Variants in PTPN13 observed in about 807,000 individuals in gnomAD.
PTPN13 encodes tyrosine-protein phosphatase non-receptor type 13.
Under a neutral mutation model 284.0 loss-of-function variants are expected in PTPN13, and 191 were observed. The ratio of observed to expected loss-of-function variants is 0.67; its 90% CI spans 0.60 to 0.76. The LOEUF is 0.76. PTPN13 is among the 30% of genes least tolerant of loss of function. The pLI is 0.00. For missense variants in PTPN13, 2,797 were observed against 2,939.9 expected (o/e 0.95, Z 1.12); for synonymous variants, 986 against 1,022.3 (o/e 0.96, Z 0.68).
At chr4:86,745,244 A>C (rs1258581143) in intron 17 of PTPN13, 116 bp downstream of exon 17, 2 of 963,728 alleles carry the variant, frequency 2.1e-6, no homozygotes, top group African/African-American at 1.7e-5. Context: ...ATACATGTTA[A>C]ATAGCTAAAT....
At chr4:86,640,769 T>C (rs1723696765) in intron 2 of PTPN13, among the ~76,000 whole-genome samples, 1 of 152,188 alleles carries the variant, frequency 6.6e-6, no homozygotes, top group Non-Finnish European at 1.5e-5. Flanking sequence ...ATAAAGGTGT[T>C]GTCACTGAGA....
chr4:86,763,231 A>G lies in PTPN13; in HGVS notation c.4017+41A>G, dbSNP rs1402804659. The G allele has an allele frequency of 2.0e-6, 3 of 1,501,286 alleles. No homozygotes were observed. The African/African-American group carries it at 4.2e-5, about 21-fold the overall frequency. The allele number at this position is 1,501,286 out of a possible 1,614,324, so 93.0% of individuals were successfully genotyped here. A position where few individuals can be genotyped will look rare whatever the true frequency, so the allele number is the denominator to read the frequency against. On this transcript the variant is annotated intron_variant, in intron 24 of 47. Transcript: ENST00000411767. Reference sequence around the variant, plus strand: ...AATATTTTGGTTTTCTCATTTAACAAAGCAAAATAGCAGCAAATAAGTTAC... The same window carrying G: ...AATATTTTGGTTTTCTCATTTAACAGAGCAAAATAGCAGCAAATAAGTTAC...
chr4:86,785,209 A>G, intron 38 of PTPN13, 22 bp from the exon 39 acceptor site: 1 of 1,468,874 alleles, frequency 6.8e-7, no homozygotes, highest in South Asian at 1.3e-5. Context: ...GTAAAACCCC[A>G]TGTAAATTAT....
chr4:86,769,371 C>T (rs1486367292), intron 28 of PTPN13, among the ~76,000 whole-genome samples: 3 of 152,070 alleles, frequency 2.0e-5, no homozygotes, highest in Non-Finnish European at 2.9e-5. Context: ...CACTGTATTG[C>T]CCAGGCTGGT....
chr4:86,739,992 G>A (rs1346194693), intron 15 of PTPN13, among the ~76,000 whole-genome samples: 1 of 152,196 alleles, frequency 6.6e-6, no homozygotes, highest in Non-Finnish European at 1.5e-5. Context: ...GCAAGAGGTG[G>A]GCTCCCAAGG....
Position 86,769,958 on chromosome 4 carries a change from C to A in PTPN13, c.4679C>A (p.Ala1560Asp). 6.2e-7 allele frequency: 1 copy of A among 1,613,832 alleles called. No individual in the cohort carries two copies. Among genetic ancestry groups the A allele is most frequent in the Non-Finnish European group, 8.5e-7 (1 of 1,179,850 alleles). ...GATGTTATCTTGAAAGTGAATGGAG[C>A]CTCTTTGAAAGGACTATCTCAGCAG... Reference protein sequence around the residue: ...VGDVILKVNGASLKGLSQQEV... With the variant: ...VGDVILKVNGDSLKGLSQQEV... The change falls in exon 29 of 48, where the codon GCC becomes GAC. Residue 1560 changes from alanine (A) to aspartate (D), a missense_variant. Physicochemically the swap from Ala to Asp is moderately radical, Grantham distance 126. Coordinates refer to ENST00000411767, the MANE Select transcript of PTPN13 (RefSeq NM_080683.3).
At chr4:86,779,289 C>T (rs1285513461) in intron 35 of PTPN13, among the ~76,000 whole-genome samples, 5 of 151,822 alleles carry the variant, frequency 3.3e-5, no homozygotes, top group Admixed American at 6.6e-5. Flanking sequence ...TGGTGGCGGG[C>T]GCCTGTAGTC....
At chr4:86,723,392 C>A (rs1235637251) in intron 10 of PTPN13, among the ~76,000 whole-genome samples, 1 of 152,150 alleles carries the variant, frequency 6.6e-6, no homozygotes, top group African/African-American at 2.4e-5. Context: ...CTGTTGTGAA[C>A]TGCGTTGCAT....
chr4:86,687,223 T>C (rs1418454488), intron 4 of PTPN13, among the ~76,000 whole-genome samples: 1 of 152,186 alleles, frequency 6.6e-6, no homozygotes, highest in Non-Finnish European at 1.5e-5. Flanking sequence ...TTAGAGAATG[T>C]CATAGCTTTT....
intron 4 of PTPN13, 48 bp downstream of exon 4, chr4:86,686,823 T>G (rs1473691535): frequency 7.9e-7 from 1 of 1,266,832 alleles, no homozygotes; most frequent in South Asian, 1.3e-5. Flanking sequence ...ATGTTCAATT[T>G]TACACCTTAT....
chr4:86,675,278 C>T (rs1728151087), intron 3 of PTPN13, among the ~76,000 whole-genome samples: 1 of 152,054 alleles, frequency 6.6e-6, no homozygotes, highest in African/African-American at 2.4e-5. Flanking sequence ...TCTAGCTTAC[C>T]TCATGCCTCA....
At chr4:86,799,481 C>T (rs1233324983) in intron 42 of PTPN13, among the ~76,000 whole-genome samples, 1 of 151,902 alleles carries the variant, frequency 6.6e-6, no homozygotes, top group East Asian at 1.9e-4. Context: ...AGGCGGGTGC[C>T]ACCATGCCCA....
At chr4:86,653,229 A>G (rs1725308929) in intron 2 of PTPN13, among the ~76,000 whole-genome samples, 2 of 152,094 alleles carry the variant, frequency 1.3e-5, no homozygotes, top group Non-Finnish European at 2.9e-5. Flanking sequence ...CATCACTCCA[A>G]GATTGGTCAC....
chr4:86,655,107 C>T (rs1048889019), intron 2 of PTPN13, among the ~76,000 whole-genome samples: 5 of 152,236 alleles, frequency 3.3e-5, no homozygotes, highest in African/African-American at 9.6e-5. Flanking sequence ...GATCTTCCTG[C>T]GTCCCTTTAT....
chr4:86,627,115 C>T (rs532775084), intron 1 of PTPN13, among the ~76,000 whole-genome samples: 11 of 152,130 alleles, frequency 7.2e-5, no homozygotes, highest in Admixed American at 1.3e-4. Context: ...TCATTTAGGA[C>T]AAGTACTAAA....
At chr4:86,749,288 C>T (rs1255905467) in intron 17 of PTPN13, among the ~76,000 whole-genome samples, 1 of 151,912 alleles carries the variant, frequency 6.6e-6, no homozygotes, top group Non-Finnish European at 1.5e-5. Context: ...CCTCTTCCTC[C>T]TCCTCCTCCT....
chr4:86,691,481 C>T (rs1040581756), intron 5 of PTPN13, among the ~76,000 whole-genome samples: 13 of 152,038 alleles, frequency 8.6e-5, no homozygotes, highest in African/African-American at 2.9e-4. Flanking sequence ...AATAATGCTC[C>T]CCTTACCTTT....
chr4:86,770,279 C>A, intron 30 of PTPN13, 80 bp downstream of exon 30: 1 of 1,315,336 alleles, frequency 7.6e-7, no homozygotes, highest in Non-Finnish European at 1.1e-6. Flanking sequence ...GTGGTTTCAT[C>A]ATGAATTGTT....
In PTPN13 at chr4:86,767,897, A is replaced by G; in HGVS notation, c.4410A>G (p.Ser1470=). The change falls in exon 28 of 48, where the codon TCA becomes TCG. Residue 1470 remains serine, a synonymous_variant. Transcript: ENST00000411767. ...CGGTAACCCCACAGTGTACCCTTTC[A>G]GATCAGAATGCCCAAGGTCAAGGCC... The part of the protein sequence containing the change: ...HVPVTPQCTL[S]DQNAQGQGPE... 6.2e-7 allele frequency: 1 copy of G among 1,609,342 alleles called. No individual in the cohort carries two copies. The highest frequency in any genetic ancestry group is 2.2e-5 in the East Asian group (1 of 44,792).
Sources: allele counts gnomAD v4.1 joint callset (sites outside exome capture counted in the v4.1 genomes callset), GRCh38; gene constraint gnomAD v4.1.1; transcripts MANE v1.5; gene names NCBI Gene and HGNC (gene_info 2026-07-23, HGNC 2026-07-21).